The following COX7B2 variants were observed in gnomAD, a reference collection of about 807,000 sequenced individuals.
COX7B2 encodes cytochrome c oxidase subunit 7B2, mitochondrial.
For missense variants in COX7B2, 109 were observed against 95.9 expected (o/e 1.14, Z -0.57); for synonymous variants, 37 against 32.1 (o/e 1.15, Z -0.51).
intron 1 of COX7B2, among the ~76,000 whole-genome samples, chr4:46,879,173 A>T (rs1560433912): frequency 6.6e-6 from 1 of 152,074 alleles, no homozygotes; most frequent in South Asian, 2.1e-4. Flanking sequence ...GCCCAGACGA[A>T]GTACAATGGC....
At chr4:46,777,199 G>T (rs1411111037) in intron 2 of COX7B2, among the ~76,000 whole-genome samples, 1 of 152,070 alleles carries the variant, frequency 6.6e-6, no homozygotes, top group Admixed American at 6.5e-5. Flanking sequence ...TCTGGACCTT[G>T]AAACCAGACC....
chr4:46,824,623 C>G (rs1413576601), intron 2 of COX7B2, among the ~76,000 whole-genome samples: 3 of 150,276 alleles, frequency 2.0e-5, no homozygotes, highest in Non-Finnish European at 4.4e-5. Context: ...TATTTCTGAG[C>G]CTGCTTATTA....
intron 2 of COX7B2, among the ~76,000 whole-genome samples, chr4:46,805,280 A>C (rs1285073973): frequency 6.6e-6 from 1 of 152,234 alleles, no homozygotes; most frequent in Non-Finnish European, 1.5e-5. Context: ...GTGGGGCCAG[A>C]GTGGGCATCA....
intron 1 of COX7B2, among the ~76,000 whole-genome samples, chr4:46,876,472 T>C (rs1190534370): frequency 6.8e-6 from 1 of 147,652 alleles, no homozygotes; most frequent in East Asian, 2.1e-4. Context: ...GTGGCGCATC[T>C]CCGCTCACTG....
intron 2 of COX7B2, among the ~76,000 whole-genome samples, chr4:46,822,755 A>G (rs1444641486): frequency 6.6e-6 from 1 of 152,212 alleles, no homozygotes; most frequent in Non-Finnish European, 1.5e-5. Context: ...AGATTCTAAA[A>G]CTAGATAAGA....
intron 2 of COX7B2, among the ~76,000 whole-genome samples, chr4:46,786,847 C>T (rs1397908945): frequency 2.0e-5 from 3 of 152,134 alleles, no homozygotes; most frequent in East Asian, 1.9e-4. Context: ...AAGAGGTAGC[C>T]AGACCTAAGA....
rs373866420 is a variant in COX7B2 at position 46,765,652 on chromosome 4, A to G, written c.-49-30411T>C. ...GGTCTCAGGCTCCAGGCTAGGCCCC[A>G]TAACTCCAGGCCCACACCAACATCA... On this transcript the variant is annotated intron_variant, in intron 2 of 2. Transcript: ENST00000355591. 1.8e-4 allele frequency among the ~76,000 whole-genome samples: 27 copies of G among 152,006 alleles called. 1 individual carries two copies. Among genetic ancestry groups the G allele is most frequent in the African/African-American group, 5.8e-4 (24 of 41,482 alleles).
chr4:46,885,833 A>G (rs959158527), intron 1 of COX7B2, among the ~76,000 whole-genome samples: 2 of 152,190 alleles, frequency 1.3e-5, no homozygotes, highest in Non-Finnish European at 2.9e-5. Flanking sequence ...AGTTTTGAGT[A>G]ACAGTCTATC....
At chr4:46,799,676 G>GAAGT (rs1553886632) in intron 2 of COX7B2, among the ~76,000 whole-genome samples, 2 of 152,016 alleles carry the variant, frequency 1.3e-5, no homozygotes, top group African/African-American at 4.8e-5. Flanking sequence ...TTATGCAGTT[G>GAAGT]AACCTTGCAT....
chr4:46,830,121 C>T (rs1002745163), intron 2 of COX7B2, among the ~76,000 whole-genome samples: 9 of 151,956 alleles, frequency 5.9e-5, no homozygotes, highest in African/African-American at 1.9e-4. Flanking sequence ...GTCAGGAGTT[C>T]GAGACCAGCC....
rs570898750 is a variant in COX7B2 at position 46,807,658 on chromosome 4, G to A, written c.-50+37302C>T. ...ATGGTTTTGGTCTTATATTTAAGCT[G>A]CTTTTATCCATTTTGGGTTGACTTT... On this transcript the variant is annotated intron_variant, in intron 2 of 2. Transcript: ENST00000355591. Among the ~76,000 whole-genome samples the A allele has an allele frequency of 2.6e-5, 4 of 151,874 alleles. No homozygotes were observed. In the East Asian group the frequency reaches 7.7e-4, roughly 29 times the overall value.
intron 1 of COX7B2, among the ~76,000 whole-genome samples, chr4:46,881,086 T>A (rs1297472717): frequency 1.3e-5 from 2 of 152,104 alleles, no homozygotes; most frequent in Admixed American, 6.6e-5. Flanking sequence ...ATTTTTGTTA[T>A]TTCTTGTTTG....
intron 2 of COX7B2, among the ~76,000 whole-genome samples, chr4:46,774,512 A>G (rs1294580063): frequency 6.6e-6 from 1 of 152,096 alleles, no homozygotes; most frequent in East Asian, 1.9e-4. Context: ...CTTTAAAGGG[A>G]AAGTGATATC....
intron 1 of COX7B2, among the ~76,000 whole-genome samples, chr4:46,867,002 T>A (rs7671150): frequency 6.6e-6 from 1 of 151,870 alleles, no homozygotes; most frequent in Non-Finnish European, 1.5e-5. Flanking sequence ...TTACCTTTCA[T>A]ACAACCTTTA....
chr4:46,885,323 G>T (rs1161505383), intron 1 of COX7B2, among the ~76,000 whole-genome samples: 4 of 152,084 alleles, frequency 2.6e-5, no homozygotes, highest in Non-Finnish European at 5.9e-5. Context: ...AATAAATGCT[G>T]CTGTGTATAA....
intron 2 of COX7B2, among the ~76,000 whole-genome samples, chr4:46,782,271 T>G (rs1289698379): frequency 6.6e-6 from 1 of 152,100 alleles, no homozygotes; most frequent in Admixed American, 6.5e-5. Flanking sequence ...AGAACTTTTA[T>G]GTCTAGCCAG....
At chr4:46,799,842 G>A (rs1478524250) in intron 2 of COX7B2, among the ~76,000 whole-genome samples, 6 of 151,948 alleles carry the variant, frequency 3.9e-5, no homozygotes, top group African/African-American at 1.2e-4. Flanking sequence ...GCCAGGCTTT[G>A]GTATCAAAAT....
chr4:46,863,274 A>C (rs1717443688), intron 1 of COX7B2, among the ~76,000 whole-genome samples: 1 of 152,206 alleles, frequency 6.6e-6, no homozygotes, highest in Admixed American at 6.5e-5. Flanking sequence ...AAAAAGACTA[A>C]TTTTATACAA....
intron 2 of COX7B2, among the ~76,000 whole-genome samples, chr4:46,750,197 C>CACAA (rs1157796292): frequency 4.8e-5 from 4 of 83,610 alleles, no homozygotes; most frequent in Non-Finnish European, 7.5e-5. Flanking sequence ...CCCATCTCTA[C>CACAA]ACACACACAC....
Sources: gnomAD v4.1 joint callset for allele counts (sites outside exome capture counted in the v4.1 genomes callset) on GRCh38, gnomAD v4.1.1 for gene constraint, MANE v1.5 for transcripts, NCBI Gene and HGNC (gene_info 2026-07-23, HGNC 2026-07-21) for gene names.